Variants in MGAT4C observed in about 807,000 individuals in gnomAD.
MGAT4C encodes the protein MGAT4 family member C, also known as alpha-1,3-mannosyl-glycoprotein 4-beta-N-acetylglucosaminyltransferase C.
A neutral mutation model predicts 40.1 loss-of-function variants in MGAT4C; 19 were observed. The observed-to-expected ratio is 0.47, with a 90% confidence interval of 0.33 to 0.70. The LOEUF is 0.70. Among genes scored for constraint, MGAT4C ranks in the 30% least tolerant of loss-of-function variants. The pLI, the probability that MGAT4C is intolerant of heterozygous loss-of-function variation, is 0.02. For synonymous variants in MGAT4C, 181 were observed against 187.1 expected (o/e 0.97, Z 0.27); for missense variants, 491 against 563.2 (o/e 0.87, Z 1.30).
At chr12:86,789,525 C>A in intron 1 of MGAT4C, among the ~76,000 whole-genome samples, 1 of 152,080 alleles carries the variant, frequency 6.6e-6, no homozygotes, top group East Asian at 1.9e-4. Context: ...TAACTCCTCA[C>A]AATCACAGGA....
At chr12:86,027,622 A>G (rs1423776757) in intron 2 of MGAT4C, among the ~76,000 whole-genome samples, 3 of 152,002 alleles carry the variant, frequency 2.0e-5, no homozygotes, top group Non-Finnish European at 4.4e-5. Flanking sequence ...ATTGTGGTCC[A>G]GTTAAAATAG....
chr12:86,685,566 A>C (rs1374837891), intron 2 of MGAT4C, among the ~76,000 whole-genome samples: 2 of 152,194 alleles, frequency 1.3e-5, no homozygotes, highest in African/African-American at 4.8e-5. Flanking sequence ...AATTCTGTGA[A>C]GAAAGTCAAT....
chr12:86,035,740 G>T (rs571799264), intron 2 of MGAT4C, among the ~76,000 whole-genome samples: 17 of 149,658 alleles, frequency 1.1e-4, no homozygotes, highest in African/African-American at 4.1e-4. Flanking sequence ...GTCCATCTTG[G>T]GTTAATTTTT....
intron 2 of MGAT4C, among the ~76,000 whole-genome samples, chr12:86,668,163 A>G (rs1382464347): frequency 2.0e-5 from 3 of 152,234 alleles, no homozygotes; most frequent in Non-Finnish European, 4.4e-5. Context: ...ATGGCATATT[A>G]GGGGCTTTTA....
At chr12:86,356,194 T>C (rs1236740290) in intron 3 of MGAT4C, among the ~76,000 whole-genome samples, 1 of 152,082 alleles carries the variant, frequency 6.6e-6, no homozygotes, top group East Asian at 1.9e-4. Context: ...AAGAAAAGGC[T>C]TAAAAGTATC....
intron 2 of MGAT4C, among the ~76,000 whole-genome samples, chr12:86,443,744 C>T (rs1345221611): frequency 2.0e-5 from 3 of 152,082 alleles, no homozygotes; most frequent in African/African-American, 7.2e-5. Context: ...CAGGCGCCTG[C>T]CACCATGTCA....
At chr12:86,587,128 T>C (rs929985578) in intron 2 of MGAT4C, among the ~76,000 whole-genome samples, 1 of 152,002 alleles carries the variant, frequency 6.6e-6, no homozygotes. Flanking sequence ...TTGATTTTTG[T>C]ATAAGGTGTA....
At chr12:86,713,553 A>G (rs973604646) in intron 2 of MGAT4C, among the ~76,000 whole-genome samples, 2 of 152,120 alleles carry the variant, frequency 1.3e-5, no homozygotes, top group African/African-American at 4.8e-5. Context: ...TTTGAAGACT[A>G]TATGCTACAA....
chr12:86,571,481 G>A (rs1428563643), intron 2 of MGAT4C, among the ~76,000 whole-genome samples: 1 of 151,974 alleles, frequency 6.6e-6, no homozygotes, highest in East Asian at 1.9e-4. Context: ...TTGTATAGGT[G>A]GCAAAACTGA....
chr12:86,026,355 A>AAT (rs1890242433), intron 2 of MGAT4C, among the ~76,000 whole-genome samples: 1 of 151,362 alleles, frequency 6.6e-6, no homozygotes, highest in African/African-American at 2.4e-5. Flanking sequence ...CACACACACA[A>AAT]ATACTAAACA....
At chr12:86,453,250 A>C (rs1370389199) in intron 2 of MGAT4C, among the ~76,000 whole-genome samples, 1 of 152,146 alleles carries the variant, frequency 6.6e-6, no homozygotes, top group Non-Finnish European at 1.5e-5. Flanking sequence ...GTTCATTAAT[A>C]AATAATAACT....
intron 1 of MGAT4C, among the ~76,000 whole-genome samples, chr12:86,737,766 AAC>A (rs1428714313): frequency 6.6e-6 from 1 of 151,430 alleles, no homozygotes; most frequent in Non-Finnish European, 1.5e-5. Context: ...TTAAAAAAAA[AAC>A]AGACTTCCTT....
intron 1 of MGAT4C, among the ~76,000 whole-genome samples, chr12:86,236,270 T>A (rs1951539612): frequency 6.6e-6 from 1 of 152,070 alleles, no homozygotes; most frequent in Admixed American, 6.6e-5. Context: ...TGGATTCTTT[T>A]CAGCACTCAG....
chr12:86,244,450 C>A (rs1951930059), intron 1 of MGAT4C, among the ~76,000 whole-genome samples: 1 of 152,168 alleles, frequency 6.6e-6, no homozygotes, highest in Non-Finnish European at 1.5e-5. Context: ...TAATAGAGCT[C>A]CCCAAATTAA....
intron 1 of MGAT4C, among the ~76,000 whole-genome samples, chr12:86,104,317 G>A (rs1339135920): frequency 6.6e-6 from 1 of 151,698 alleles, no homozygotes; most frequent in East Asian, 1.9e-4. Context: ...ACTCACGCCT[G>A]TAGTCCCAGC....
chr12:86,789,854 A>G (rs1237487141), intron 1 of MGAT4C, among the ~76,000 whole-genome samples: 1 of 152,194 alleles, frequency 6.6e-6, no homozygotes, highest in Non-Finnish European at 1.5e-5. Flanking sequence ...ATATGCTATT[A>G]CTATCTACAT....
chr12:86,404,694 C>T (rs539030968), intron 3 of MGAT4C, among the ~76,000 whole-genome samples: 160 of 152,006 alleles, frequency 1.1e-3, no homozygotes, highest in Non-Finnish European at 1.5e-3. Flanking sequence ...ACACAGAAAA[C>T]GAATACACCC....
chr12:86,382,247 G>C (rs1161013957), intron 3 of MGAT4C, among the ~76,000 whole-genome samples: 1 of 152,220 alleles, frequency 6.6e-6, no homozygotes, highest in African/African-American at 2.4e-5. Context: ...TTGGGAACTA[G>C]AGCAAAGGTG....
At chr12:86,740,841 A>G (rs1445466146) in intron 1 of MGAT4C, among the ~76,000 whole-genome samples, 1 of 151,242 alleles carries the variant, frequency 6.6e-6, no homozygotes, top group East Asian at 1.9e-4. Context: ...TATTGCATCC[A>G]CTTTTTAAAA....
Sources: gnomAD v4.1 joint callset for allele counts (sites outside exome capture counted in the v4.1 genomes callset) on GRCh38, gnomAD v4.1.1 for gene constraint, MANE v1.5 for transcripts, NCBI Gene and HGNC (gene_info 2026-07-23, HGNC 2026-07-21) for gene names.